ZDHHC5: variants seen among roughly 807,000 people sequenced by gnomAD.
The protein encoded by ZDHHC5 is palmitoyltransferase ZDHHC5.
ZDHHC5 carries 22 observed loss-of-function variants against 70.0 expected under a neutral mutation model. The ratio of observed to expected loss-of-function variants is 0.31; its 90% confidence interval spans 0.22 to 0.45. The LOEUF (loss-of-function observed/expected upper bound fraction) is 0.45. ZDHHC5 is among the 20% of genes least tolerant of loss of function. ZDHHC5 has a pLI of 1.00. For missense variants in ZDHHC5, 746 were observed against 926.9 expected (o/e 0.80, Z 2.53); for synonymous variants, 313 against 347.8 (o/e 0.90, Z 1.11).
intron 2 of ZDHHC5, among the ~76,000 whole-genome samples, chr11:57,682,133 A>G (rs939235272): frequency 1.3e-5 from 2 of 152,190 alleles, no homozygotes; most frequent in Non-Finnish European, 2.9e-5. Flanking sequence ...ATCTCAAAAC[A>G]TGTGGCAAGA....
chr11:57,695,664 G>T (rs1946340777), intron 8 of ZDHHC5, among the ~76,000 whole-genome samples: 1 of 150,380 alleles, frequency 6.6e-6, no homozygotes, highest in Non-Finnish European at 1.5e-5. Context: ...GTGGTGGCAT[G>T]TGCCTGTAAT....
At chr11:57,691,454 C>T (rs1470229085) in intron 6 of ZDHHC5, among the ~76,000 whole-genome samples, 1 of 152,138 alleles carries the variant, frequency 6.6e-6, no homozygotes, top group Non-Finnish European at 1.5e-5. Flanking sequence ...ACCTCGGCCT[C>T]CCAAAGTGCA....
intron 1 of ZDHHC5, chr11:57,668,529 C>G (rs1252693394): frequency 6.6e-6 from 1 of 152,388 alleles, no homozygotes; most frequent in Non-Finnish European, 1.5e-5. Flanking sequence ...CTCTCTCAAC[C>G]TCGGTGGGCC....
chr11:57,684,678 C>T (rs1008551230), intron 3 of ZDHHC5, among the ~76,000 whole-genome samples: 6 of 152,080 alleles, frequency 3.9e-5, no homozygotes, highest in Admixed American at 1.3e-4. Context: ...GAAGTAGGCT[C>T]TTTCTGGAAT....
rs746146074 is a variant in ZDHHC5 at position 57,687,756 on chromosome 11, GTTTT to G, written c.227-729_227-726del. Among the ~76,000 whole-genome samples, 146 of 75,288 alleles carry G rather than the reference GTTTT, an allele frequency of 1.9e-3. 1 individual carries two copies. Among genetic ancestry groups the G allele is most frequent in the African/African-American group, 7.1e-3 (136 of 19,088 alleles). 49.4% of individuals were successfully genotyped at this position (75,288 alleles called of 152,430 possible). A position where few individuals can be genotyped will look rare whatever the true frequency, so the allele number is the denominator to read the frequency against. ...GAGTAGGGGAAGACATTTTGGGAAA[GTTTT>G]TTTTTTTTTTTTTTTTTTTTTTAAG... is the stretch of plus-strand genomic sequence containing the variant. On this transcript the variant is annotated intron_variant, in intron 3 of 11. Coordinates refer to ENST00000287169, the MANE Select transcript of ZDHHC5 (RefSeq NM_015457.3).
intron 3 of ZDHHC5, among the ~76,000 whole-genome samples, chr11:57,686,086 G>C (rs1476564633): frequency 6.6e-6 from 1 of 152,102 alleles, no homozygotes; most frequent in Non-Finnish European, 1.5e-5. Context: ...TCTGGTAGAT[G>C]ATGATGTAGA....
chr11:57,673,776 T>C (rs1946036469), intron 2 of ZDHHC5, among the ~76,000 whole-genome samples: 1 of 152,184 alleles, frequency 6.6e-6, no homozygotes, highest in Non-Finnish European at 1.5e-5. Context: ...TTCACCATAT[T>C]GGCCAGGCTG....
chr11:57,685,452 G>A (rs763166527), intron 3 of ZDHHC5, among the ~76,000 whole-genome samples: 6 of 152,100 alleles, frequency 3.9e-5, no homozygotes, highest in Non-Finnish European at 5.9e-5. Flanking sequence ...TTCGAGACCA[G>A]CCTGGCCAAC....
At chr11:57,671,809 T>C (rs1946009891) in intron 1 of ZDHHC5, among the ~76,000 whole-genome samples, 1 of 152,212 alleles carries the variant, frequency 6.6e-6, no homozygotes, top group African/African-American at 2.4e-5. Flanking sequence ...GGTGAAGCCA[T>C]GTTCTGCTTC....
At chr11:57,681,323 T>G (rs1946147685) in intron 2 of ZDHHC5, among the ~76,000 whole-genome samples, 1 of 152,202 alleles carries the variant, frequency 6.6e-6, no homozygotes, top group South Asian at 2.1e-4. Flanking sequence ...TCTTCTTCCT[T>G]TCCTTCAGTG....
chr11:57,681,297 T>A (rs577358035), intron 2 of ZDHHC5, among the ~76,000 whole-genome samples: 1 of 152,322 alleles, frequency 6.6e-6, no homozygotes, highest in South Asian at 2.1e-4. Flanking sequence ...TCATATGCTG[T>A]CTTGTTCTCC....
In ZDHHC5 at chr11:57,682,519, A is replaced by G. The variant is rs775547295; in HGVS notation, c.202A>G (p.Met68Val). 1.2e-6 allele frequency: 2 copies of G among 1,614,024 alleles called. No individual in the cohort carries two copies. Among genetic ancestry groups the G allele is most frequent in the Non-Finnish European group, 1.7e-6 (2 of 1,180,018 alleles). ...VLANFSMATF[M>V]DPGIFPRAEE... Reference sequence around the variant, plus strand: ...GGCCAACTTCAGCATGGCCACCTTCATGGACCCAGGGATTTTCCCTCGAGG... The same window carrying G: ...GGCCAACTTCAGCATGGCCACCTTCGTGGACCCAGGGATTTTCCCTCGAGG... The change falls in exon 3 of 12, where the codon ATG becomes GTG. Residue 68 changes from methionine (M) to valine (V), a missense_variant. By Grantham distance (21) the Met-to-Val change is conservative. Coordinates refer to ENST00000287169, the MANE Select transcript of ZDHHC5 (RefSeq NM_015457.3).
chr11:57,694,393 G>C (rs549330428), intron 8 of ZDHHC5, among the ~76,000 whole-genome samples: 1 of 150,404 alleles, frequency 6.6e-6, no homozygotes, highest in East Asian at 2.0e-4. Context: ...AGGGAGTCTT[G>C]CTCTGTTACC....
At chr11:57,698,511 T>A in intron 10 of ZDHHC5, 48 bp from the exon 11 acceptor site, 1 of 1,538,106 alleles carries the variant, frequency 6.5e-7, no homozygotes, top group South Asian at 1.3e-5. Context: ...GGGGTCTAGC[T>A]TCTGTCACAA....
rs748385416 is a variant in ZDHHC5 at position 57,688,672 on chromosome 11, A to G, written c.384+7A>G. The G allele has an allele frequency of 5.7e-6, 9 of 1,587,094 alleles. No individual in the cohort carries two copies. The highest frequency in any genetic ancestry group is 7.7e-6 in the Non-Finnish European group (9 of 1,165,740). ...CTGTGACAACTGTGTGGAGGTAAGC[A>G]CCCTGGGTGGGGTAAGACTTCATGC... is the stretch of plus-strand genomic sequence containing the variant. On this transcript the variant is annotated splice_region_variant and intron_variant, in intron 4 of 11. Transcript: ENST00000287169.
chr11:57,699,207 A>G lies in ZDHHC5; in HGVS notation c.1771A>G (p.Lys591Glu), dbSNP rs779219860. The G allele has an allele frequency of 3.7e-6, 6 of 1,614,126 alleles. No individual in the cohort carries two copies. The highest frequency in any genetic ancestry group is 1.7e-5 in the Admixed American group (1 of 60,012). Residue 591 changes from lysine to glutamate, a missense_variant, in exon 11 of 12, where the codon AAG (lysine) becomes GAG (glutamate). By Grantham distance (56) the Lys-to-Glu change is moderately conservative. Coordinates refer to ENST00000287169, the MANE Select transcript of ZDHHC5 (RefSeq NM_015457.3). ...PRTSSSSDDS[K>E]RSPLGKTPLG... Reference sequence around the variant, plus strand: ...TACTAGTTCCTCCTCAGATGATTCAAAGAGATCACCTTTGGGCAAGACTCC... The same window carrying G: ...TACTAGTTCCTCCTCAGATGATTCAGAGAGATCACCTTTGGGCAAGACTCC...
chr11:57,700,112 C>G lies in ZDHHC5; in HGVS notation c.*81C>G, dbSNP rs1021542860. 2.0e-6 allele frequency: 3 copies of G among 1,476,244 alleles called. No homozygotes were observed. In the African/African-American group the frequency reaches 4.3e-5, roughly 21 times the overall value. The allele number at this position is 1,476,244 out of a possible 1,614,324, so 91.4% of individuals were successfully genotyped here. On this transcript the variant is annotated 3_prime_UTR_variant, in exon 12 of 12. Transcript: ENST00000287169. ...TGGCCACCTTCCTTCCCTCAAGGGG[C>G]TCCCCTCCCGTGCATGGACATTTTT... is the stretch of plus-strand genomic sequence containing the variant.
intron 1 of ZDHHC5, among the ~76,000 whole-genome samples, chr11:57,669,099 C>T (rs1166009223): frequency 6.6e-6 from 1 of 152,176 alleles, no homozygotes; most frequent in Non-Finnish European, 1.5e-5. Context: ...TCATTATCAC[C>T]CATTGTATAA....
intron 4 of ZDHHC5, 61 bp downstream of exon 4, chr11:57,688,726 TATAATAG>T (rs1946243641): frequency 1.0e-5 from 15 of 1,487,348 alleles, no homozygotes; most frequent in Non-Finnish European, 1.3e-5. Context: ...ATCCTAACCA[TATAATAG>T]ATTCTTAGCT....
Sources: allele counts gnomAD v4.1 joint callset (sites outside exome capture counted in the v4.1 genomes callset), GRCh38; gene constraint gnomAD v4.1.1; transcripts MANE v1.5; gene names NCBI Gene and HGNC (gene_info 2026-07-23, HGNC 2026-07-21).